The following SETD2 variants were observed in gnomAD, a reference collection of about 807,000 sequenced individuals.
SETD2 encodes histone-lysine N-methyltransferase SETD2.
SETD2 carries 31 observed loss-of-function variants against 242.1 expected under a neutral mutation model. The ratio of observed to expected loss-of-function variants is 0.13; its 90% CI spans 0.10 to 0.17. The LOEUF (loss-of-function observed/expected upper bound fraction) is 0.17. Among genes scored for constraint, SETD2 ranks in the 10% least tolerant of loss-of-function variants. The probability of loss-of-function intolerance (pLI) is 1.00; values close to 1 mark genes in which losing one functional copy is unlikely to be tolerated. For synonymous variants in SETD2, 1,006 were observed against 1,066.5 expected (o/e 0.94, Z 1.11); for missense variants, 2,481 against 3,046.3 (o/e 0.81, Z 4.37).
intron 18 of SETD2, chr3:47,028,963 C>A: frequency 4.9e-6 from 1 of 204,062 alleles, no homozygotes. Flanking sequence ...GCCAACACTT[C>A]CAAGTTCCCC....
At chr3:47,037,261 C>T (rs2039050250) in intron 18 of SETD2, among the ~76,000 whole-genome samples, 1 of 145,622 alleles carries the variant, frequency 6.9e-6, no homozygotes, top group African/African-American at 2.5e-5. Flanking sequence ...GGTATATCTC[C>T]TAATGCTATC....
rs2040345777 is a variant in SETD2 at position 47,061,867 on chromosome 3, C to T, written c.6293+296G>A. Among the ~76,000 whole-genome samples, 5 of 152,156 alleles carry T rather than the reference C, an allele frequency of 3.3e-5. No individual in the cohort carries two copies. The South Asian group carries it at 1.0e-3, about 32-fold the overall frequency. ...ATAACCATTATCTTTGAAGACTTAT[C>T]TCCCACCAACCCCCATTGCGCTCGA... On this transcript the variant is annotated intron_variant, in intron 14 of 20. Coordinates refer to ENST00000409792, the MANE Select transcript of SETD2 (RefSeq NM_014159.7).
At chr3:47,032,853 A>C (rs1170561159) in intron 18 of SETD2, among the ~76,000 whole-genome samples, 1 of 152,018 alleles carries the variant, frequency 6.6e-6, no homozygotes, top group Non-Finnish European at 1.5e-5. Flanking sequence ...CAGAAGTTGC[A>C]ATGAGCCGAG....
chr3:47,024,490 A>C (rs569314242), intron 18 of SETD2, among the ~76,000 whole-genome samples: 1 of 151,100 alleles, frequency 6.6e-6, no homozygotes, highest in Non-Finnish European at 1.5e-5. Context: ...AAATAAACAA[A>C]CAAACAAACA....
chr3:47,121,517 C>T lies in SETD2; in HGVS notation c.3119G>A (p.Gly1040Asp), dbSNP rs1306690438. Residue 1040 changes from glycine to aspartate, a missense_variant, in exon 3 of 21, where the codon GGC (glycine) becomes GAC (aspartate). Physicochemically the swap from Gly to Asp is moderately conservative, Grantham distance 94. Coordinates refer to ENST00000409792, the MANE Select transcript of SETD2 (RefSeq NM_014159.7). ...IVSTVHEDYS[G>D]SSESSNDESD... ...TTCATCATTTGAACTTTCAGAAGAG[C>T]CAGAATAATCTTCATGAACTGTAGA... 2 of 1,613,944 alleles carry T rather than the reference C, an allele frequency of 1.2e-6. No individual in the cohort carries two copies. Among genetic ancestry groups the T allele is most frequent in the East Asian group, 2.2e-5 (1 of 44,880 alleles).
chr3:47,074,729 T>C (rs986268151), intron 12 of SETD2, among the ~76,000 whole-genome samples: 2 of 151,986 alleles, frequency 1.3e-5, no homozygotes, highest in African/African-American at 4.8e-5. Context: ...ACGCCCCTGT[T>C]AGAGAAATTG....
chr3:47,021,156 G>A (rs936247293), intron 18 of SETD2, among the ~76,000 whole-genome samples: 1 of 152,158 alleles, frequency 6.6e-6, no homozygotes, highest in South Asian at 2.1e-4. Context: ...TAGATGGTAT[G>A]AGTATGCTCC....
At chr3:47,018,073 T>C (rs1373837830) in intron 19 of SETD2, among the ~76,000 whole-genome samples, 1 of 152,168 alleles carries the variant, frequency 6.6e-6, no homozygotes, top group Non-Finnish European at 1.5e-5. Flanking sequence ...ATAAAGACAG[T>C]AGCTGGGTTC....
At chr3:47,124,876 C>G (rs4082156) in intron 2 of SETD2, among the ~76,000 whole-genome samples, 4,633 of 152,024 alleles carry the variant, frequency 0.03, 232 homozygotes, top group East Asian at 0.13. Flanking sequence ...TTTTAAAAAC[C>G]TGACATATGT....
At chr3:47,043,233 T>G (rs1469191902) in intron 16 of SETD2, among the ~76,000 whole-genome samples, 2 of 152,192 alleles carry the variant, frequency 1.3e-5, no homozygotes, top group African/African-American at 4.8e-5. Flanking sequence ...GTTGAAGCTC[T>G]AATCCTGCTG....
At chr3:47,067,467 G>A (rs893209242) in intron 12 of SETD2, among the ~76,000 whole-genome samples, 4 of 147,112 alleles carry the variant, frequency 2.7e-5, no homozygotes, top group African/African-American at 1.0e-4. Context: ...CAGGCTGAAG[G>A]GCAGTGGCAT....
chr3:47,138,654 C>T (rs1198640877), intron 1 of SETD2, among the ~76,000 whole-genome samples: 1 of 152,054 alleles, frequency 6.6e-6, no homozygotes, highest in Non-Finnish European at 1.5e-5. Flanking sequence ...CTCCCAAACT[C>T]TGGTGATTCA....
chr3:47,102,518 C>T (rs1055119762), intron 7 of SETD2, among the ~76,000 whole-genome samples: 13 of 152,158 alleles, frequency 8.5e-5, no homozygotes, highest in African/African-American at 2.2e-4. Flanking sequence ...CAGCTGGGTG[C>T]GGAGGCTCAC....
At chr3:47,101,715 T>C (rs2042220889) in intron 7 of SETD2, among the ~76,000 whole-genome samples, 160 bp from the exon 8 acceptor site, 1 of 151,962 alleles carries the variant, frequency 6.6e-6, no homozygotes, top group Non-Finnish European at 1.5e-5. Flanking sequence ...AAATAGCACA[T>C]GGAGACTTTT....
intron 1 of SETD2, among the ~76,000 whole-genome samples, chr3:47,143,761 A>AG (rs1170019141): frequency 6.6e-6 from 1 of 151,962 alleles, no homozygotes; most frequent in East Asian, 1.9e-4. Context: ...CCCAGGCTGG[A>AG]GTGCAGTGGC....
intron 18 of SETD2, among the ~76,000 whole-genome samples, chr3:47,031,222 C>T (rs148618035): frequency 6.6e-6 from 1 of 152,218 alleles, no homozygotes; most frequent in African/African-American, 2.4e-5. Flanking sequence ...ATGTACAATA[C>T]CAAGAATGAA....
chr3:47,028,308 G>C (rs2038597968), intron 18 of SETD2, among the ~76,000 whole-genome samples: 1 of 152,162 alleles, frequency 6.6e-6, no homozygotes. Context: ...TTCTCAGTGA[G>C]CTAAGGAGAC....
At chr3:47,054,405 C>G (rs1355972969) in intron 15 of SETD2, among the ~76,000 whole-genome samples, 1 of 152,060 alleles carries the variant, frequency 6.6e-6, no homozygotes, top group Non-Finnish European at 1.5e-5. Context: ...TGCTTAGGCT[C>G]TAGTACTGAG....
chr3:47,099,886 TA>T (rs575882107), intron 8 of SETD2, among the ~76,000 whole-genome samples: 42 of 152,232 alleles, frequency 2.8e-4, no homozygotes, highest in African/African-American at 9.9e-4. Flanking sequence ...TTTAAATGCT[TA>T]ATTTTTTTCC....
Sources: gnomAD v4.1 joint callset for allele counts (sites outside exome capture counted in the v4.1 genomes callset) on GRCh38, gnomAD v4.1.1 for gene constraint, MANE v1.5 for transcripts, NCBI Gene and HGNC (gene_info 2026-07-23, HGNC 2026-07-21) for gene names.